Variants in NCBP3 observed in about 807,000 individuals in gnomAD.
The protein encoded by NCBP3 is nuclear cap-binding protein subunit 3.
NCBP3 carries 20 observed loss-of-function variants against 75.7 expected under a neutral mutation model. The ratio of observed to expected loss-of-function variants is 0.26; its 90% CI spans 0.19 to 0.38. The LOEUF (loss-of-function observed/expected upper bound fraction) is 0.38. Among genes scored for constraint, NCBP3 ranks in the 10% least tolerant of loss-of-function variants. The pLI is 1.00. For missense variants in NCBP3, 678 were observed against 796.9 expected (o/e 0.85, Z 1.80); for synonymous variants, 293 against 290.5 (o/e 1.01, Z -0.09).
intron 10 of NCBP3, 45 bp from the exon 11 acceptor site, chr17:3,816,315 T>C (rs1308077176): frequency 6.4e-7 from 1 of 1,560,794 alleles, no homozygotes; most frequent in African/African-American, 1.4e-5. Flanking sequence ...CAACTTCAAC[T>C]GTGAGACAAG....
intron 9 of NCBP3, among the ~76,000 whole-genome samples, chr17:3,820,641 A>G (rs1473115109): frequency 1.3e-5 from 2 of 152,212 alleles, no homozygotes; most frequent in South Asian, 2.1e-4. Flanking sequence ...TAATTTCAAA[A>G]ATTGTTTTTG....
At chr17:3,816,073 C>T (rs751614981) in intron 11 of NCBP3, 43 bp downstream of exon 11, 24 of 1,584,742 alleles carry the variant, frequency 1.5e-5, no homozygotes, top group East Asian at 4.6e-5. Context: ...GTCTGCTTTC[C>T]GGAGCTCAGA....
chr17:3,839,945 G>T (rs1228639449), intron 3 of NCBP3, among the ~76,000 whole-genome samples, 155 bp downstream of exon 3: 1 of 152,132 alleles, frequency 6.6e-6, no homozygotes. Flanking sequence ...CTTTAAACAG[G>T]TGACCTCAGA....
At chr17:3,819,660 T>TA (rs1453510473) in intron 9 of NCBP3, among the ~76,000 whole-genome samples, 1 of 152,138 alleles carries the variant, frequency 6.6e-6, no homozygotes, top group East Asian at 1.9e-4. Flanking sequence ...CAGTATTTGC[T>TA]ACTTCAGTGT....
Position 3,816,029 on chromosome 17 carries a change from C to T in NCBP3, c.1465+87G>A, listed in dbSNP as rs562079296. On this transcript the variant is annotated intron_variant, in intron 11 of 12. Coordinates refer to ENST00000389005, the MANE Select transcript of NCBP3 (RefSeq NM_001114118.3). ...AGGACAGCTAAATCAGTTCACACAT[C>T]GCATGTTTTACTCAGGAACCTCTCT... 3.0e-5 allele frequency: 40 copies of T among 1,312,952 alleles called. No homozygotes were observed. In the South Asian group the frequency reaches 3.3e-4, roughly 11 times the overall value. 81.3% of individuals were successfully genotyped at this position (1,312,952 alleles called of 1,614,324 possible).
chr17:3,831,247 A>G (rs897449972), intron 3 of NCBP3, among the ~76,000 whole-genome samples: 6 of 151,838 alleles, frequency 4.0e-5, no homozygotes, highest in Non-Finnish European at 7.4e-5. Flanking sequence ...TATCTCCTTT[A>G]ATCTCAATTG....
chr17:3,840,231 T>C, intron 2 of NCBP3, 26 bp from the exon 3 acceptor site: 1 of 1,534,342 alleles, frequency 6.5e-7, no homozygotes. Flanking sequence ...AAAGTGAAAG[T>C]AGTAAAATAT....
In NCBP3 at chr17:3,810,836, T is replaced by C. The variant is rs1363948012; in HGVS notation, c.*2208A>G. The C allele has an allele frequency of 6.6e-6, 1 of 152,240 alleles. No individual in the cohort carries two copies. Among genetic ancestry groups the C allele is most frequent in the Admixed American group, 6.5e-5 (1 of 15,276 alleles). 9.4% of individuals were successfully genotyped at this position (152,240 alleles called of 1,614,324 possible). ...CCTCCTTCCAGAATGGCTTCGCTGA[T>C]CTGTAGCAGGAGACTGCTGAGTGCT... On this transcript the variant is annotated 3_prime_UTR_variant, in exon 13 of 13. Coordinates refer to ENST00000389005, the MANE Select transcript of NCBP3 (RefSeq NM_001114118.3).
chr17:3,839,860 T>G (rs185523736), intron 3 of NCBP3, among the ~76,000 whole-genome samples: 6 of 152,306 alleles, frequency 3.9e-5, no homozygotes, highest in African/African-American at 1.4e-4. Flanking sequence ...ACTGGTAACT[T>G]TTTCTGGGCC....
intron 7 of NCBP3, 181 bp from the exon 8 acceptor site, chr17:3,822,233 A>C (rs1279856256): frequency 5.7e-6 from 3 of 527,516 alleles, no homozygotes; most frequent in African/African-American, 1.9e-5. Flanking sequence ...TGTAGAGGGG[A>C]TAAAGCAAAA....
chr17:3,815,005 G>A (rs1485359362), intron 11 of NCBP3, among the ~76,000 whole-genome samples: 1 of 152,134 alleles, frequency 6.6e-6, no homozygotes, highest in African/African-American at 2.4e-5. Context: ...ATTCGTTGGT[G>A]AGGCCCTGTG....
chr17:3,802,383 A>G lies in NCBP3; in HGVS notation c.*10661T>C, dbSNP rs1462766401. On this transcript the variant is annotated 3_prime_UTR_variant, in exon 13 of 13. Transcript: ENST00000389005. ...TAAGGTTCTGTGAAGATCCGATGAC[A>G]TTTCCAACACTTTGCCTTGTCTGCT... is the stretch of plus-strand genomic sequence containing the variant. 5 of 152,090 alleles carry G rather than the reference A, an allele frequency of 3.3e-5. No homozygotes were observed. Among genetic ancestry groups the G allele is most frequent in the African/African-American group, 1.2e-4 (5 of 41,410 alleles). The allele number at this position is 152,090 out of a possible 1,614,324, so 9.4% of individuals were successfully genotyped here. A position where few individuals can be genotyped will look rare whatever the true frequency, so the allele number is the denominator to read the frequency against.
intron 7 of NCBP3, 52 bp downstream of exon 7, chr17:3,824,890 T>A: frequency 9.6e-7 from 1 of 1,044,950 alleles, no homozygotes; most frequent in Non-Finnish European, 1.4e-6. Flanking sequence ...TGTCACTCCA[T>A]AATAAATCAT....
chr17:3,821,180 G>T, intron 9 of NCBP3, 69 bp downstream of exon 9: 2 of 1,111,788 alleles, frequency 1.8e-6, no homozygotes, highest in Non-Finnish European at 2.8e-6. Context: ...TTAAAAGATT[G>T]CATTAAGAAT....
chr17:3,817,100 C>T (rs1365699377), intron 10 of NCBP3, among the ~76,000 whole-genome samples: 1 of 152,152 alleles, frequency 6.6e-6, no homozygotes, highest in Admixed American at 6.5e-5. Flanking sequence ...CTTTTCCCCT[C>T]CCCACAAACA....
At chr17:3,820,929 T>TAA (rs560315361) in intron 9 of NCBP3, among the ~76,000 whole-genome samples, 12 of 140,264 alleles carry the variant, frequency 8.6e-5, no homozygotes, top group African/African-American at 1.3e-4. Context: ...GACTCCGTCT[T>TAA]AAAAAAAAAA....
chr17:3,826,310 CTAGCAACAGATTATCATCAGTAAATA>C, intron 4 of NCBP3, 95 bp from the exon 5 acceptor site: 1 of 1,170,102 alleles, frequency 8.5e-7, no homozygotes, highest in Non-Finnish European at 1.2e-6. Flanking sequence ...ACAGCCTCAT[CTAGCAACAGATTATCATCAGTAAATA>C]TACAAACCAA....
At chr17:3,833,529 G>T (rs2053920736) in intron 3 of NCBP3, among the ~76,000 whole-genome samples, 1 of 152,082 alleles carries the variant, frequency 6.6e-6, no homozygotes, top group South Asian at 2.1e-4. Context: ...ATGTGAGGCT[G>T]GGTGCAGTGG....
chr17:3,824,904 G>T, intron 7 of NCBP3, 38 bp downstream of exon 7: 1 of 1,170,638 alleles, frequency 8.5e-7, no homozygotes, highest in African/African-American at 1.6e-5. Flanking sequence ...AAATCATTTT[G>T]ATTGAAAATA....
Sources: allele counts gnomAD v4.1 joint callset (sites outside exome capture counted in the v4.1 genomes callset), GRCh38; gene constraint gnomAD v4.1.1; transcripts MANE v1.5; gene names NCBI Gene and HGNC (gene_info 2026-07-23, HGNC 2026-07-21).